RAB31: variants seen among roughly 807,000 people sequenced by gnomAD.
RAB31 encodes the protein RAB31, member RAS oncogene family, also known as ras-related protein Rab-31.
In RAB31, 21 loss-of-function variants were observed where a neutral mutation model predicts 25.6. The ratio of observed to expected loss-of-function variants is 0.82; its 90% CI spans 0.58 to 1.18. The LOEUF is 1.18. Ranked by LOEUF, RAB31 falls within the 50% of genes most tolerant of loss-of-function variation. RAB31 has a pLI of 0.00. For synonymous variants in RAB31, 87 were observed against 84.0 expected (o/e 1.04, Z -0.20); for missense variants, 196 against 250.1 (o/e 0.78, Z 1.46).
chr18:9,782,972 C>G (rs1025621828), intron 2 of RAB31, among the ~76,000 whole-genome samples: 8 of 152,154 alleles, frequency 5.3e-5, no homozygotes, highest in Admixed American at 3.3e-4. Flanking sequence ...CTAGCAAAGA[C>G]TTAAAAACCA....
rs951970717 is a variant in RAB31, at chr18:9,792,234, G to A, written c.200G>A (p.Arg67Gln). Residue 67 changes from arginine (R) to glutamine (Q), a missense_variant and splice_region_variant, in exon 3 of 7, where the codon CGG becomes CAG. Transcript: ENST00000578921. ...ATCTGGGACACTGCTGGTCAGGAACGGGTGAGTATATGCTGTTTTTTGGTG... is the reference window on the plus strand; with the variant it reads ...ATCTGGGACACTGCTGGTCAGGAACAGGTGAGTATATGCTGTTTTTTGGTG... The part of the protein sequence containing the change: ...FLIWDTAGQE[R>Q]FHSLAPMYYR... 3.1e-6 allele frequency: 5 copies of A among 1,610,524 alleles called. No homozygotes were observed. The highest frequency in any genetic ancestry group is 4.2e-6 in the Non-Finnish European group (5 of 1,178,316).
chr18:9,854,244 C>G (rs956979037), intron 6 of RAB31, among the ~76,000 whole-genome samples: 2 of 151,914 alleles, frequency 1.3e-5, no homozygotes, highest in African/African-American at 2.4e-5. Context: ...TTTTCTGTTC[C>G]TGTGTTAGTT....
chr18:9,792,070 G>A, intron 2 of RAB31, 84 bp from the exon 3 acceptor site: 1 of 1,519,022 alleles, frequency 6.6e-7, no homozygotes, highest in Non-Finnish European at 8.9e-7. Flanking sequence ...GTCCTGCTGA[G>A]GTGTAGCATT....
intron 5 of RAB31, among the ~76,000 whole-genome samples, chr18:9,826,904 G>A (rs1293634950): frequency 1.3e-5 from 2 of 152,088 alleles, no homozygotes; most frequent in South Asian, 2.1e-4. Flanking sequence ...ATCCCACCCT[G>A]GCCCTTAAGC....
intron 1 of RAB31, among the ~76,000 whole-genome samples, chr18:9,725,803 A>G (rs2068093700): frequency 6.6e-6 from 1 of 152,216 alleles, no homozygotes; most frequent in Non-Finnish European, 1.5e-5. Flanking sequence ...ACTGTTTGTC[A>G]TTTCTGGGAA....
chr18:9,780,486 C>T (rs1226383776), intron 2 of RAB31, among the ~76,000 whole-genome samples: 1 of 152,122 alleles, frequency 6.6e-6, no homozygotes, highest in Non-Finnish European at 1.5e-5. Context: ...TTTCTTCCAG[C>T]CCTTTTCTTG....
chr18:9,746,712 A>G (rs970836513), intron 1 of RAB31, among the ~76,000 whole-genome samples: 1 of 152,238 alleles, frequency 6.6e-6, no homozygotes, highest in Non-Finnish European at 1.5e-5. Flanking sequence ...CCAGATATCC[A>G]CATGTTTAAG....
intron 6 of RAB31, among the ~76,000 whole-genome samples, chr18:9,858,265 C>T (rs957078352): frequency 3.3e-5 from 5 of 152,140 alleles, no homozygotes; most frequent in African/African-American, 4.8e-5. Context: ...GTGATAATAA[C>T]GACCATTACA....
At chr18:9,790,904 C>T (rs1050004360) in intron 2 of RAB31, among the ~76,000 whole-genome samples, 4 of 152,232 alleles carry the variant, frequency 2.6e-5, no homozygotes, top group Non-Finnish European at 4.4e-5. Context: ...AACTTTCTGT[C>T]ATAAAAGTCA....
intron 5 of RAB31, among the ~76,000 whole-genome samples, chr18:9,817,274 G>T (rs1363333754): frequency 2.0e-5 from 3 of 152,152 alleles, no homozygotes; most frequent in African/African-American, 7.2e-5. Context: ...TGTATTGTGG[G>T]AATGCTGGTG....
At chr18:9,842,865 ACT>A (rs1599063593) in intron 5 of RAB31, among the ~76,000 whole-genome samples, 1 of 151,916 alleles carries the variant, frequency 6.6e-6, no homozygotes, top group East Asian at 1.9e-4. Flanking sequence ...ATTTAATGAG[ACT>A]CACCTCTAGC....
chr18:9,777,534 G>T, intron 2 of RAB31, among the ~76,000 whole-genome samples: 1 of 152,166 alleles, frequency 6.6e-6, no homozygotes, highest in South Asian at 2.1e-4. Context: ...ACTTTTTATG[G>T]AAGAAATTGG....
chr18:9,806,125 C>T (rs928393958), intron 3 of RAB31, among the ~76,000 whole-genome samples: 10 of 151,430 alleles, frequency 6.6e-5, no homozygotes, highest in Admixed American at 3.3e-4. Context: ...TGCAGTGAGC[C>T]GAGATGGCGC....
chr18:9,750,477 T>C (rs916258741), intron 1 of RAB31, among the ~76,000 whole-genome samples: 5 of 152,304 alleles, frequency 3.3e-5, no homozygotes, highest in African/African-American at 4.8e-5. Context: ...GAAGTCATTC[T>C]TAAATATATG....
chr18:9,716,257 T>G (rs1163695036), intron 1 of RAB31, among the ~76,000 whole-genome samples: 3 of 152,210 alleles, frequency 2.0e-5, no homozygotes, highest in African/African-American at 7.2e-5. Flanking sequence ...ATTACTTCTT[T>G]CAGGTTCATT....
intron 3 of RAB31, among the ~76,000 whole-genome samples, chr18:9,798,788 T>TAAAA (rs11285866): frequency 6.9e-6 from 1 of 144,974 alleles, no homozygotes; most frequent in Admixed American, 6.9e-5. Flanking sequence ...GCAGCTAATT[T>TAAAA]AAAAAAAAAA....
At chr18:9,833,139 A>G (rs187055643) in intron 5 of RAB31, among the ~76,000 whole-genome samples, 6 of 152,310 alleles carry the variant, frequency 3.9e-5, no homozygotes, top group African/African-American at 1.2e-4. Context: ...GACACTTCCA[A>G]TTTTCAGAGG....
intron 1 of RAB31, among the ~76,000 whole-genome samples, chr18:9,773,041 G>A (rs1384288109): frequency 6.6e-6 from 1 of 152,136 alleles, no homozygotes; most frequent in South Asian, 2.1e-4. Context: ...TTTGAACTCT[G>A]TGCATCGATT....
At chr18:9,762,132 C>T (rs1295377444) in intron 1 of RAB31, among the ~76,000 whole-genome samples, 1 of 152,144 alleles carries the variant, frequency 6.6e-6, no homozygotes, top group Non-Finnish European at 1.5e-5. Flanking sequence ...TAACCTCCCC[C>T]TTGGAAGTGA....
Sources: gnomAD v4.1 joint callset for allele counts (sites outside exome capture counted in the v4.1 genomes callset) on GRCh38, gnomAD v4.1.1 for gene constraint, MANE v1.5 for transcripts, NCBI Gene and HGNC (gene_info 2026-07-23, HGNC 2026-07-21) for gene names.